DISC1: variants seen among roughly 807,000 people sequenced by gnomAD.
DISC1 encodes the protein disrupted in schizophrenia 1 protein.
In DISC1, 57 loss-of-function variants were observed where a neutral mutation model predicts 84.5. The observed-to-expected ratio is 0.67, with a 90% CI of 0.55 to 0.84. The LOEUF (loss-of-function observed/expected upper bound fraction) is 0.84. Among genes scored for constraint, DISC1 ranks in the 40% least tolerant of loss-of-function variants. The probability of loss-of-function intolerance (pLI) is 0.00; values close to 1 mark genes in which losing one functional copy is unlikely to be tolerated. For synonymous variants in DISC1, 411 were observed against 415.2 expected, an observed-to-expected ratio of 0.99 and a Z score of 0.12; for missense variants, 1,000 against 1,057.8, an observed-to-expected ratio of 0.95 and a Z score of 0.76.
At chr1:231,890,045 T>G (rs776183787) in intron 9 of DISC1, among the ~76,000 whole-genome samples, 2 of 152,236 alleles carry the variant, frequency 1.3e-5, no homozygotes, top group East Asian at 3.8e-4. Flanking sequence ...GCTGCTGTTA[T>G]GAGAAATGGC....
At chr1:231,702,896 A>T (rs77710863) in intron 3 of DISC1, among the ~76,000 whole-genome samples, 2 of 152,138 alleles carry the variant, frequency 1.3e-5, no homozygotes, top group Non-Finnish European at 2.9e-5. Flanking sequence ...GCACCTACTA[A>T]CTTGATAGAT....
chr1:231,842,031 G>T (rs1283357954), intron 9 of DISC1, among the ~76,000 whole-genome samples: 1 of 152,034 alleles, frequency 6.6e-6, no homozygotes, highest in African/African-American at 2.4e-5. Context: ...AGAGGGTCTT[G>T]TGTTGTTGCC....
In DISC1 at chr1:232,036,775, G is replaced by T. The variant is rs954454362; in HGVS notation, c.2509G>T (p.Glu837Ter). 4 of 1,599,996 alleles carry T rather than the reference G, an allele frequency of 2.5e-6. No homozygotes were observed. In the East Asian group the frequency reaches 6.8e-5, roughly 27 times the overall value. ...LQLQPAKEAG[E>*]REAAASCMTA... ...GCTCCAGCCAGCAAAGGAGGCGGGAGAAAGAGAAGCTGCAGCTTCCTGCAT... is the reference window on the plus strand; with the variant it reads ...GCTCCAGCCAGCAAAGGAGGCGGGATAAAGAGAAGCTGCAGCTTCCTGCAT... The change falls in exon 13 of 13, where the codon GAA becomes TAA. Residue 837 changes from glutamate (E) to a stop codon, truncating the protein, a stop_gained. Transcript: ENST00000439617. LOFTEE classifies it high-confidence loss of function.
At chr1:231,715,325 A>C (rs1199317770) in intron 3 of DISC1, among the ~76,000 whole-genome samples, 1 of 152,238 alleles carries the variant, frequency 6.6e-6, no homozygotes, top group East Asian at 1.9e-4. Flanking sequence ...TGAATTTAAA[A>C]ATGAGGGATG....
chr1:231,874,127 G>A (rs928311052), intron 9 of DISC1, among the ~76,000 whole-genome samples: 1 of 151,962 alleles, frequency 6.6e-6, no homozygotes, highest in African/African-American at 2.4e-5. Flanking sequence ...TGGGATTACA[G>A]GTGTGAGCTA....
chr1:231,903,007 T>C (rs925775689), intron 9 of DISC1, among the ~76,000 whole-genome samples: 2 of 151,984 alleles, frequency 1.3e-5, no homozygotes, highest in African/African-American at 4.8e-5. Flanking sequence ...TATCTCTTCT[T>C]CTTCTCCTTC....
chr1:231,706,641 GC>G (rs2067132351), intron 3 of DISC1, among the ~76,000 whole-genome samples: 1 of 152,192 alleles, frequency 6.6e-6, no homozygotes, highest in African/African-American at 2.4e-5. Flanking sequence ...AGTAAAAGTA[GC>G]CAGCATCATA....
chr1:231,985,909 G>C (rs140935531), intron 10 of DISC1, among the ~76,000 whole-genome samples: 6 of 152,156 alleles, frequency 3.9e-5, no homozygotes, highest in African/African-American at 1.2e-4. Flanking sequence ...GGTAGAAAAG[G>C]AGACTTTGAA....
Position 232,036,794 on chromosome 1 carries a change from C to T in DISC1, c.2528C>T (p.Ser843Phe), listed in dbSNP as rs374426194. 1 of 1,601,780 alleles carries T rather than the reference C, an allele frequency of 6.2e-7. No homozygotes were observed. Among genetic ancestry groups the T allele is most frequent in the South Asian group, 1.1e-5 (1 of 89,224 alleles). ...GCGGGAGAAAGAGAAGCTGCAGCTT[C>T]CTGCATGACAGCTGGTGTCCACGAA... ...KEAGEREAAA[S>F]CMTAGVHEAQ... The change falls in exon 13 of 13, where the codon TCC becomes TTC. Residue 843 changes from serine (S) to phenylalanine (F), a missense_variant. Ser to Phe is a radical substitution (Grantham distance 155, BLOSUM62 -2). Coordinates refer to ENST00000439617, the MANE Select transcript of DISC1 (RefSeq NM_018662.3).
At chr1:231,971,082 G>A (rs757168561) in intron 10 of DISC1, among the ~76,000 whole-genome samples, 2 of 152,154 alleles carry the variant, frequency 1.3e-5, no homozygotes, top group African/African-American at 2.4e-5. Context: ...GTTTTAAAAA[G>A]ACAGTTTAAT....
chr1:231,933,311 C>T (rs1341555), intron 9 of DISC1, among the ~76,000 whole-genome samples: 72,430 of 151,988 alleles, frequency 0.48, 17,631 homozygotes, highest in East Asian at 0.79. Flanking sequence ...TTTTAACCAC[C>T]TACACTGACA....
chr1:231,948,339 G>A (rs1010095962), intron 9 of DISC1, among the ~76,000 whole-genome samples: 20 of 152,058 alleles, frequency 1.3e-4, no homozygotes, highest in African/African-American at 4.6e-4. Flanking sequence ...ACCATTCTCC[G>A]CAAACTATCA....
At chr1:231,766,456 A>G (rs1024771968) in intron 4 of DISC1, among the ~76,000 whole-genome samples, 7 of 152,134 alleles carry the variant, frequency 4.6e-5, no homozygotes, top group Non-Finnish European at 8.8e-5. Flanking sequence ...CAAGAAGTGT[A>G]TTTCTCTGTG....
At chr1:231,671,986 C>T (rs1469354525) in intron 1 of DISC1, among the ~76,000 whole-genome samples, 1 of 152,230 alleles carries the variant, frequency 6.6e-6, no homozygotes, top group Non-Finnish European at 1.5e-5. Context: ...TTGCTCATTT[C>T]AGTGGGTTTC....
intron 1 of DISC1, among the ~76,000 whole-genome samples, chr1:231,684,460 C>T (rs558066751): frequency 6.6e-6 from 1 of 152,206 alleles, no homozygotes; most frequent in Non-Finnish European, 1.5e-5. Flanking sequence ...GAACATTACC[C>T]TTGAATTACT....
intron 6 of DISC1, among the ~76,000 whole-genome samples, chr1:231,791,976 T>C (rs1364474018): frequency 1.3e-5 from 2 of 152,168 alleles, no homozygotes; most frequent in African/African-American, 4.8e-5. Context: ...TTATGTTTTA[T>C]AGTGCTGTGT....
At position 231,644,425 on chromosome 1, in the gene DISC1, A is replaced by G. The variant is rs572370877; in HGVS notation, c.67+17491A>G. Among the ~76,000 whole-genome samples the G allele has an allele frequency of 7.9e-5, 12 of 152,316 alleles. No individual in the cohort carries two copies. The South Asian group carries it at 2.5e-3, about 32-fold the overall frequency. On this transcript the variant is annotated intron_variant, in intron 1 of 12. Coordinates refer to ENST00000439617, the MANE Select transcript of DISC1 (RefSeq NM_018662.3). ...TTCTCGCCAGCTCATTTGCTGTTAA[A>G]TTCTGTTAATAGGAGGCACTGGTGG...
At chr1:231,971,941 G>T (rs1225743569) in intron 10 of DISC1, among the ~76,000 whole-genome samples, 1 of 152,194 alleles carries the variant, frequency 6.6e-6, no homozygotes, top group African/African-American at 2.4e-5. Context: ...CCAACAGGAT[G>T]ACTTGTGACA....
chr1:231,733,623 G>A (rs111163065), intron 3 of DISC1, among the ~76,000 whole-genome samples: 26 of 142,846 alleles, frequency 1.8e-4, no homozygotes, highest in African/African-American at 6.3e-4. Flanking sequence ...TAGGAGTGGT[G>A]GTGGTTGTGG....
Sources: allele counts gnomAD v4.1 joint callset (sites outside exome capture counted in the v4.1 genomes callset), GRCh38; gene constraint gnomAD v4.1.1; transcripts MANE v1.5; gene names NCBI Gene and HGNC (gene_info 2026-07-23, HGNC 2026-07-21).